Variants in PDE3A observed in about 807,000 individuals in gnomAD.
The protein encoded by PDE3A is cGMP-inhibited 3',5'-cyclic phosphodiesterase 3A.
Under a neutral mutation model 98.3 loss-of-function variants are expected in PDE3A, and 43 were observed. The observed-to-expected ratio is 0.44, with a 90% CI of 0.34 to 0.56. The LOEUF is 0.56. Ranked by LOEUF, PDE3A falls within the 20% of genes least tolerant of loss-of-function variation. The probability of loss-of-function intolerance (pLI) is 0.01; values close to 1 mark genes in which losing one functional copy is unlikely to be tolerated. For synonymous variants in PDE3A, 663 were observed against 567.9 expected (o/e 1.17, Z -2.38); for missense variants, 1,427 against 1,440.7 (o/e 0.99, Z 0.15).
At chr12:20,676,280 A>G (rs1945637077) in intron 15 of PDE3A, among the ~76,000 whole-genome samples, 1 of 152,046 alleles carries the variant, frequency 6.6e-6, no homozygotes, top group South Asian at 2.1e-4. Flanking sequence ...GAATTCTCTG[A>G]GCTTTGCTTC....
chr12:20,604,458 T>C (rs1160276808), intron 2 of PDE3A, among the ~76,000 whole-genome samples: 4 of 152,144 alleles, frequency 2.6e-5, no homozygotes, highest in Admixed American at 2.6e-4. Context: ...ACAAATTATA[T>C]ATATGACAAA....
At chr12:20,461,820 A>T (rs1364154287) in intron 1 of PDE3A, among the ~76,000 whole-genome samples, 1 of 152,214 alleles carries the variant, frequency 6.6e-6, no homozygotes, top group East Asian at 1.9e-4. Flanking sequence ...TAAAAATGTC[A>T]AAGTATACAT....
Position 20,382,322 on chromosome 12 carries a change from A to C in PDE3A, c.960+12078A>C, listed in dbSNP as rs371209538. Among the ~76,000 whole-genome samples, 21 of 152,012 alleles carry C rather than the reference A, an allele frequency of 1.4e-4. No individual in the cohort carries two copies. In the South Asian group the frequency reaches 4.2e-3, roughly 30 times the overall value. ...CTGACTTTTGCAATCCAATTCAACA[A>C]ACAGTTTAAAAGTGCTTGGCTCAGA... On this transcript the variant is annotated intron_variant, in intron 1 of 15. Transcript: ENST00000359062.
intron 2 of PDE3A, among the ~76,000 whole-genome samples, chr12:20,573,683 A>T (rs541038075): frequency 6.6e-6 from 1 of 152,248 alleles, no homozygotes; most frequent in South Asian, 2.1e-4. Flanking sequence ...ACTTTACCAT[A>T]TAAGGTCAAA....
At chr12:20,449,845 A>G (rs1160461875) in intron 1 of PDE3A, 2 of 576,244 alleles carry the variant, frequency 3.5e-6, no homozygotes, top group South Asian at 3.4e-5. Flanking sequence ...ACTGGCAGAG[A>G]GACCTGCCCC....
At chr12:20,557,240 T>C (rs568315768) in intron 2 of PDE3A, 1 of 154,638 alleles carries the variant, frequency 6.5e-6, no homozygotes, top group African/African-American at 2.4e-5. Context: ...ATTGTCTTGC[T>C]TTATGTCTTA....
At chr12:20,497,298 T>C (rs1357399759) in intron 1 of PDE3A, among the ~76,000 whole-genome samples, 1 of 151,904 alleles carries the variant, frequency 6.6e-6, no homozygotes, top group Non-Finnish European at 1.5e-5. Context: ...ATAGTAATTT[T>C]TATAATTTAT....
chr12:20,530,675 G>T (rs1946608986), intron 1 of PDE3A, among the ~76,000 whole-genome samples: 1 of 151,892 alleles, frequency 6.6e-6, no homozygotes, highest in African/African-American at 2.4e-5. Context: ...GAAAAGTATT[G>T]CTTCAACCAT....
chr12:20,425,161 A>C (rs1227787630), intron 1 of PDE3A, among the ~76,000 whole-genome samples: 1 of 152,212 alleles, frequency 6.6e-6, no homozygotes, highest in East Asian at 1.9e-4. Context: ...ACACGCCTGG[A>C]TTGGCCTCGG....
Position 20,613,441 on chromosome 12 carries a change from A to T in PDE3A, c.1012-2A>T. On this transcript the variant is annotated splice_acceptor_variant, in intron 2 of 15. Transcript: ENST00000359062. LOFTEE classifies it high-confidence loss of function. The stretch of plus-strand genomic sequence containing the variant: ...CTGATCTTGTCTTGGTTTGTGTCTC[A>T]GTCTTCAGGAACCAGTATTACTGTG... The T allele has an allele frequency of 1.2e-6, 2 of 1,613,946 alleles. No homozygotes were observed. The highest frequency in any genetic ancestry group is 1.7e-6 in the Non-Finnish European group (2 of 1,179,840).
intron 2 of PDE3A, among the ~76,000 whole-genome samples, chr12:20,557,551 G>C (rs1405659592): frequency 2.0e-5 from 3 of 152,180 alleles, no homozygotes; most frequent in African/African-American, 7.2e-5. Flanking sequence ...ACAAAGGGCA[G>C]TTGAATGTGC....
intron 15 of PDE3A, among the ~76,000 whole-genome samples, chr12:20,663,252 C>T (rs1459482129): frequency 6.6e-6 from 1 of 152,216 alleles, no homozygotes; most frequent in African/African-American, 2.4e-5. Flanking sequence ...CATGGAGAAC[C>T]TCTGCTAGGG....
At chr12:20,527,111 G>A (rs1201977181) in intron 1 of PDE3A, among the ~76,000 whole-genome samples, 1 of 152,030 alleles carries the variant, frequency 6.6e-6, no homozygotes, top group Non-Finnish European at 1.5e-5. Flanking sequence ...TAAAGAGGGG[G>A]TTTCACCATG....
intron 1 of PDE3A, among the ~76,000 whole-genome samples, chr12:20,495,297 A>G (rs889232626): frequency 6.6e-6 from 1 of 152,002 alleles, no homozygotes; most frequent in African/African-American, 2.4e-5. Flanking sequence ...GGCACTTAGC[A>G]TAACAGCTAA....
At chr12:20,483,390 CA>C (rs1945667653) in intron 1 of PDE3A, among the ~76,000 whole-genome samples, 1 of 151,812 alleles carries the variant, frequency 6.6e-6, no homozygotes, top group Non-Finnish European at 1.5e-5. Flanking sequence ...TCCATCTCAA[CA>C]AAAACAAAAA....
chr12:20,645,632 T>C (rs1376385356), intron 10 of PDE3A, among the ~76,000 whole-genome samples: 1 of 152,038 alleles, frequency 6.6e-6, no homozygotes, highest in Non-Finnish European at 1.5e-5. Context: ...AACAAAAAAC[T>C]TGGAAGAATT....
chr12:20,500,916 C>A (rs538508326), intron 1 of PDE3A, among the ~76,000 whole-genome samples: 1 of 151,732 alleles, frequency 6.6e-6, no homozygotes, highest in Non-Finnish European at 1.5e-5. Flanking sequence ...TACAAGTGTG[C>A]GCTACTATGC....
chr12:20,550,510 A>G (rs977432084), intron 1 of PDE3A, among the ~76,000 whole-genome samples: 5 of 152,124 alleles, frequency 3.3e-5, no homozygotes, highest in Admixed American at 3.3e-4. Flanking sequence ...GAACCATATT[A>G]TAATCATCTT....
chr12:20,379,501 T>A (rs1179654006), intron 1 of PDE3A, among the ~76,000 whole-genome samples: 1 of 151,776 alleles, frequency 6.6e-6, no homozygotes, highest in African/African-American at 2.4e-5. Flanking sequence ...ATTAAGACAA[T>A]TTTTATTATA....
Sources: allele counts gnomAD v4.1 joint callset (sites outside exome capture counted in the v4.1 genomes callset), GRCh38; gene constraint gnomAD v4.1.1; transcripts MANE v1.5; gene names NCBI Gene and HGNC (gene_info 2026-07-23, HGNC 2026-07-21).